Variants in KLHL42 observed in about 807,000 individuals in gnomAD.
KLHL42 encodes kelch-like protein 42.
KLHL42 carries 27 observed loss-of-function variants against 32.7 expected under a neutral mutation model. The observed-to-expected ratio is 0.83, with a 90% confidence interval of 0.61 to 1.14. The LOEUF is 1.14. Among genes scored for constraint, KLHL42 ranks in the 50% most tolerant of loss-of-function variants. The pLI is 0.00. For missense variants in KLHL42, 491 were observed against 560.8 expected (o/e 0.88, Z 1.26); for synonymous variants, 267 against 248.2 (o/e 1.08, Z -0.71).
chr12:27,793,638 CCTCTACTCTCCAAA>C (rs1353941503), intron 2 of KLHL42, among the ~76,000 whole-genome samples: 1 of 152,156 alleles, frequency 6.6e-6, no homozygotes, highest in African/African-American at 2.4e-5. Flanking sequence ...CCTTTCCTTC[CCTCTACTCTCCAAA>C]GCAGATGTCT....
In KLHL42 at chr12:27,797,898, C is replaced by G; in HGVS notation, c.1250C>G (p.Thr417Ser). 1.3e-6 allele frequency: 1 copy of G among 780,964 alleles called. No individual in the cohort carries two copies. The highest frequency in any genetic ancestry group is 2.4e-6 in the Non-Finnish European group (1 of 418,110). 48.4% of individuals were successfully genotyped at this position (780,964 alleles called of 1,614,324 possible). A position where few individuals can be genotyped will look rare whatever the true frequency, so the allele number is the denominator to read the frequency against. ...RRSSQSEDML[T>S]VQSYNTVTRQ... ...AGCAGCCAGAGCGAGGACATGCTCA[C>G]CGTGCAGTCCTACAACACCGTCACC... is the stretch of plus-strand genomic sequence containing the variant. Residue 417 changes from threonine (T) to serine (S), a missense_variant, in exon 3 of 3, where the codon ACC (threonine) becomes AGC (serine). Transcript: ENST00000381271.
rs576422512 is a variant in KLHL42 at position 27,802,564 on chromosome 12, G to C, written c.*4398G>C. The stretch of plus-strand genomic sequence containing the variant: ...ACCAACTGACACGTTGCTGACGTCT[G>C]TACTTGACATAACCATTTTTATTCA... On this transcript the variant is annotated 3_prime_UTR_variant, in exon 3 of 3. Transcript: ENST00000381271. 2.0e-5 allele frequency: 3 copies of C among 152,582 alleles called. No individual in the cohort carries two copies. The highest frequency in any genetic ancestry group is 4.4e-5 in the Non-Finnish European group (3 of 68,028). The allele number at this position is 152,582 out of a possible 1,614,324, so 9.5% of individuals were successfully genotyped here. A position where few individuals can be genotyped will look rare whatever the true frequency, so the allele number is the denominator to read the frequency against.
intron 1 of KLHL42, among the ~76,000 whole-genome samples, chr12:27,783,807 A>G: frequency 6.6e-6 from 1 of 151,830 alleles, no homozygotes; most frequent in Non-Finnish European, 1.5e-5. Context: ...GATGGTCTCG[A>G]TCTCCTGACC....
At chr12:27,786,889 AT>A (rs1474480822) in intron 1 of KLHL42, among the ~76,000 whole-genome samples, 3 of 150,318 alleles carry the variant, frequency 2.0e-5, no homozygotes, top group South Asian at 2.1e-4. Flanking sequence ...TGCCTGGCTA[AT>A]TTTTTTTTGT....
At chr12:27,785,405 G>A (rs575077841) in intron 1 of KLHL42, among the ~76,000 whole-genome samples, 9 of 151,980 alleles carry the variant, frequency 5.9e-5, no homozygotes, top group African/African-American at 2.2e-4. Flanking sequence ...TAGAAATGGG[G>A]GCTATGTTAC....
At chr12:27,784,121 T>G (rs34272062) in intron 1 of KLHL42, among the ~76,000 whole-genome samples, 1,632 of 133,444 alleles carry the variant, frequency 0.012, 23 homozygotes, top group Middle Eastern at 0.029. Context: ...AGTGTATGTG[T>G]TTTTTTTTTT....
At position 27,791,699 on chromosome 12, in the gene KLHL42, C is replaced by G. The variant is rs768697244; in HGVS notation, c.873-9C>G. 2 of 1,611,444 alleles carry G rather than the reference C, an allele frequency of 1.2e-6. No individual in the cohort carries two copies. Among genetic ancestry groups the G allele is most frequent in the Middle Eastern group, 1.6e-4 (1 of 6,062 alleles). ...ACTAACTCTGTGGGCCTTTGTGTCT[C>G]TCTTTCAGGTCTAACTTCAAACTTG... On this transcript the variant is annotated splice_polypyrimidine_tract_variant and intron_variant, in intron 1 of 2. Coordinates refer to ENST00000381271, the MANE Select transcript of KLHL42 (RefSeq NM_020782.2).
chr12:27,785,346 T>C (rs930902173), intron 1 of KLHL42, among the ~76,000 whole-genome samples: 5 of 152,158 alleles, frequency 3.3e-5, no homozygotes, highest in African/African-American at 9.7e-5. Flanking sequence ...ACTACAGGCA[T>C]GCAACACCAT....
At chr12:27,782,556 A>G (rs1011552986) in intron 1 of KLHL42, among the ~76,000 whole-genome samples, 1 of 152,312 alleles carries the variant, frequency 6.6e-6, no homozygotes, top group East Asian at 1.9e-4. Flanking sequence ...AATTGAAACA[A>G]CAAAGGAACA....
chr12:27,798,354 TTTG>T lies in KLHL42; in HGVS notation c.*191_*193del. 1 of 540,892 alleles carries T rather than the reference TTTG, an allele frequency of 1.8e-6. No individual in the cohort carries two copies. Among genetic ancestry groups the T allele is most frequent in the East Asian group, 3.0e-5 (1 of 33,082 alleles). The allele number at this position is 540,892 out of a possible 1,614,324, so 33.5% of individuals were successfully genotyped here. A position where few individuals can be genotyped will look rare whatever the true frequency, so the allele number is the denominator to read the frequency against. On this transcript the variant is annotated 3_prime_UTR_variant, in exon 3 of 3. Transcript: ENST00000381271. ...AAACTGGTGGAAAAAAGAGACCAAC[TTTG>T]TTATTTTTTAAATTATTGATTTTTA...
At chr12:27,785,806 TTA>T (rs1491507910) in intron 1 of KLHL42, among the ~76,000 whole-genome samples, 2 of 152,182 alleles carry the variant, frequency 1.3e-5, no homozygotes, top group Non-Finnish European at 2.9e-5. Context: ...CGTGTTTTCT[TTA>T]AAAAAAACTA....
rs2062249791 is a variant in KLHL42, at chr12:27,802,038, TGTCC to T, written c.*3877_*3880del. ...CTGGTGGTCCCTTCGGTCTTGGCCCTGTCCGTCCTTTGTTTTTGTGATTTACTAA... is the reference window on the plus strand; with the variant it reads ...CTGGTGGTCCCTTCGGTCTTGGCCCTGTCCTTTGTTTTTGTGATTTACTAA... On this transcript the variant is annotated 3_prime_UTR_variant, in exon 3 of 3. Transcript: ENST00000381271. 6.6e-6 allele frequency: 1 copy of T among 152,150 alleles called. No individual in the cohort carries two copies. Among genetic ancestry groups the T allele is most frequent in the South Asian group, 2.1e-4 (1 of 4,812 alleles). The allele number at this position is 152,150 out of a possible 1,614,324, so 9.4% of individuals were successfully genotyped here. A position where few individuals can be genotyped will look rare whatever the true frequency, so the allele number is the denominator to read the frequency against.
intron 1 of KLHL42, among the ~76,000 whole-genome samples, chr12:27,785,437 G>A (rs1347197345): frequency 6.6e-6 from 1 of 152,046 alleles, no homozygotes; most frequent in Non-Finnish European, 1.5e-5. Flanking sequence ...TTGAACTCCT[G>A]GCCTCAGGTA....
rs1332528416 is a variant in KLHL42 at position 27,799,880 on chromosome 12, T to A, written c.*1714T>A. On this transcript the variant is annotated 3_prime_UTR_variant, in exon 3 of 3. Transcript: ENST00000381271. The stretch of plus-strand genomic sequence containing the variant: ...GTCTACTTACAACTTTGTAAGGGTT[T>A]CTAAGCTATGCCCATTTATTCCCAA... 1.6e-6 allele frequency: 1 copy of A among 623,854 alleles called. No homozygotes were observed. Among genetic ancestry groups the A allele is most frequent in the Non-Finnish European group, 2.0e-6 (1 of 500,036 alleles). The allele number at this position is 623,854 out of a possible 1,614,324, so 38.6% of individuals were successfully genotyped here.
chr12:27,783,785 T>G (rs931213422), intron 1 of KLHL42, among the ~76,000 whole-genome samples: 1 of 151,918 alleles, frequency 6.6e-6, no homozygotes, highest in African/African-American at 2.4e-5. Context: ...GGGGTTTCAC[T>G]GTGTTAGACA....
intron 2 of KLHL42, 112 bp from the exon 3 acceptor site, chr12:27,797,601 AAG>A (rs1285290994): frequency 3.1e-6 from 2 of 653,146 alleles, no homozygotes; most frequent in African/African-American, 1.8e-5. Flanking sequence ...CTTTTTCTGA[AAG>A]AGTTTTTTCT....
intron 2 of KLHL42, among the ~76,000 whole-genome samples, chr12:27,796,967 G>A (rs1274775550): frequency 6.6e-6 from 1 of 152,056 alleles, no homozygotes; most frequent in Non-Finnish European, 1.5e-5. Flanking sequence ...AAATGTCAGA[G>A]CAACCTTTTA....
intron 1 of KLHL42, among the ~76,000 whole-genome samples, chr12:27,786,754 G>T (rs1328770113): frequency 8.3e-6 from 1 of 119,826 alleles, no homozygotes; most frequent in Non-Finnish European, 1.6e-5. Flanking sequence ...ACAGAGTCTC[G>T]CTCTGTCGCC....
intron 1 of KLHL42, 105 bp from the exon 2 acceptor site, chr12:27,791,603 C>G (rs140792629): frequency 9.8e-7 from 1 of 1,018,120 alleles, no homozygotes; most frequent in East Asian, 2.4e-5. Flanking sequence ...ACTGGGAGAG[C>G]GAATTTTCTT....
Sources: allele counts gnomAD v4.1 joint callset (sites outside exome capture counted in the v4.1 genomes callset), GRCh38; gene constraint gnomAD v4.1.1; transcripts MANE v1.5; gene names NCBI Gene and HGNC (gene_info 2026-07-23, HGNC 2026-07-21).